Variants in FSD2 observed in about 807,000 individuals in gnomAD.
FSD2 encodes the protein fibronectin type III and SPRY domain-containing protein 2.
In FSD2, 71 loss-of-function variants were observed where a neutral mutation model predicts 80.4. The observed-to-expected ratio is 0.88, with a 90% CI of 0.73 to 1.08. FSD2 has a LOEUF of 1.08. Ranked by LOEUF, FSD2 falls within the 50% of genes least tolerant of loss-of-function variation. FSD2 has a pLI of 0.00. For missense variants in FSD2, 923 were observed against 913.8 expected (o/e 1.01, Z -0.13); for synonymous variants, 361 against 329.5 (o/e 1.10, Z -1.03).
intron 1 of FSD2, among the ~76,000 whole-genome samples, chr15:82,800,132 G>C (rs191648008): frequency 6.6e-6 from 1 of 152,246 alleles, no homozygotes; most frequent in East Asian, 1.9e-4. Flanking sequence ...CCTCAGAGAA[G>C]AACTCTGTCT....
intron 6 of FSD2, among the ~76,000 whole-genome samples, chr15:82,776,622 A>G (rs987718886): frequency 3.3e-5 from 5 of 151,888 alleles, no homozygotes; most frequent in Admixed American, 1.3e-4. Flanking sequence ...CTACATTCAT[A>G]GATTGGAAGA....
intron 6 of FSD2, among the ~76,000 whole-genome samples, chr15:82,775,527 G>A (rs548374178): frequency 6.6e-6 from 1 of 152,316 alleles, no homozygotes; most frequent in East Asian, 1.9e-4. Context: ...CGTTGAATTG[G>A]AGTGTTGAGA....
chr15:82,780,995 C>T (rs2049843593), intron 4 of FSD2, among the ~76,000 whole-genome samples: 1 of 152,100 alleles, frequency 6.6e-6, no homozygotes, highest in Admixed American at 6.6e-5. Context: ...ATGATCACAC[C>T]ACTCTCCTCC....
Position 82,762,229 on chromosome 15 carries a change from A to G in FSD2, c.1870T>C (p.Trp624Arg), listed in dbSNP as rs751873968. The G allele has an allele frequency of 5.0e-6, 8 of 1,613,970 alleles. No individual in the cohort carries two copies. Among genetic ancestry groups the G allele is most frequent in the Non-Finnish European group, 6.8e-6 (8 of 1,179,874 alleles). Reference protein sequence around the residue: ...NLIPVRGHHYWEVEVDEHLDY... With the variant: ...NLIPVRGHHYREVEVDEHLDY... The stretch of plus-strand genomic sequence containing the variant: ...AAATGCTCATCCACCTCCACCTCCC[A>G]GTAATGGTGCCCTCGGACTGGAATT... The change falls in exon 12 of 13, where the codon TGG becomes CGG. Residue 624 changes from tryptophan to arginine, a missense_variant. By Grantham distance (101) the Trp-to-Arg change is moderately radical. Coordinates refer to ENST00000334574, the MANE Select transcript of FSD2 (RefSeq NM_001007122.4).
At position 82,798,044 on chromosome 15, in the gene FSD2, G is replaced by GA. The variant is rs1488593120; in HGVS notation, c.-79+7921dup. Reference sequence around the variant, plus strand: ...ACCAACAAAAGACTTTCCAAGCACAGAAAAATATTACAGGTCAGGTACAGT... The same window carrying GA: ...ACCAACAAAAGACTTTCCAAGCACAGAAAAAATATTACAGGTCAGGTACAGT... On this transcript the variant is annotated intron_variant, in intron 1 of 12. Coordinates refer to ENST00000334574, the MANE Select transcript of FSD2 (RefSeq NM_001007122.4). 3.9e-5 allele frequency among the ~76,000 whole-genome samples: 6 copies of GA among 152,110 alleles called. No homozygotes were observed. The East Asian group carries it at 1.2e-3, about 29-fold the overall frequency.
intron 7 of FSD2, among the ~76,000 whole-genome samples, chr15:82,771,397 T>G (rs1305078881): frequency 6.6e-6 from 1 of 152,234 alleles, no homozygotes; most frequent in East Asian, 1.9e-4. Flanking sequence ...TCTTCACATG[T>G]TCAGCTGGGG....
chr15:82,769,948 G>C (rs2049524140), intron 7 of FSD2, 64 bp from the exon 8 acceptor site: 1 of 1,590,342 alleles, frequency 6.3e-7, no homozygotes, highest in Admixed American at 1.7e-5. Context: ...AATTCATTAT[G>C]CCGAATCCCA....
At chr15:82,790,264 C>A (rs1039778777) in intron 1 of FSD2, among the ~76,000 whole-genome samples, 1 of 152,186 alleles carries the variant, frequency 6.6e-6, no homozygotes, top group East Asian at 1.9e-4. Context: ...GATTCTCTGA[C>A]AGCCTCACCA....
intron 2 of FSD2, 57 bp downstream of exon 2, chr15:82,786,695 G>A: frequency 1.7e-5 from 28 of 1,606,444 alleles, no homozygotes; most frequent in Non-Finnish European, 2.3e-5. Context: ...CCCTGCGTAT[G>A]TACTTGAGAT....
rs1050065114 is a variant in FSD2 at position 82,780,212 on chromosome 15, A to G, written c.989+33T>C. ...GGATAACTAAAGTTGAAAAAAGTAA[A>G]AAAAGAAATACATACTAGAACAAAT... On this transcript the variant is annotated intron_variant, in intron 5 of 12. Coordinates refer to ENST00000334574, the MANE Select transcript of FSD2 (RefSeq NM_001007122.4). 3.4e-6 allele frequency: 5 copies of G among 1,462,946 alleles called. No individual in the cohort carries two copies. The African/African-American group carries it at 7.3e-5, about 21-fold the overall frequency. 90.6% of individuals were successfully genotyped at this position (1,462,946 alleles called of 1,614,324 possible).
At chr15:82,762,996 T>C (rs1196349280) in intron 11 of FSD2, among the ~76,000 whole-genome samples, 1 of 152,226 alleles carries the variant, frequency 6.6e-6, no homozygotes, top group Non-Finnish European at 1.5e-5. Context: ...TTGTTCAGTT[T>C]AAAATTTTCT....
intron 6 of FSD2, 86 bp from the exon 7 acceptor site, chr15:82,772,314 C>T: frequency 2.3e-6 from 3 of 1,326,112 alleles, no homozygotes; most frequent in Non-Finnish European, 3.1e-6. Context: ...ATTGATCCCC[C>T]CAATGAATCC....
rs1202510120 is a variant in FSD2, at chr15:82,786,990, A to G, written c.401T>C (p.Phe134Ser). 1.9e-6 allele frequency: 3 copies of G among 1,613,970 alleles called. No homozygotes were observed. Among genetic ancestry groups the G allele is most frequent in the Admixed American group, 1.7e-5 (1 of 60,016 alleles). ...CTGGCCTGCTGAGCCCCACCCTCCG[A>G]AGCCCAGGTCCTCGGCCTCCGCTGC... Reference protein sequence around the residue: ...GEAAEAEDLGFGGWGSAGQCQ... With the variant: ...GEAAEAEDLGSGGWGSAGQCQ... The change falls in exon 2 of 13, where the codon TTC becomes TCC. Residue 134 changes from phenylalanine (F) to serine (S), a missense_variant. Coordinates refer to ENST00000334574, the MANE Select transcript of FSD2 (RefSeq NM_001007122.4).
chr15:82,761,033 G>A (rs1051838513), intron 12 of FSD2, among the ~76,000 whole-genome samples: 3 of 152,166 alleles, frequency 2.0e-5, no homozygotes, highest in African/African-American at 7.2e-5. Flanking sequence ...GTAATTCTTG[G>A]ATTCCCCAAA....
intron 3 of FSD2, among the ~76,000 whole-genome samples, chr15:82,785,897 C>CA (rs2049984452): frequency 6.6e-6 from 1 of 151,782 alleles, no homozygotes; most frequent in East Asian, 1.9e-4. Flanking sequence ...ACTTCTACCC[C>CA]AAAAAAAGAG....
chr15:82,790,133 GC>G (rs2151526269), intron 1 of FSD2, among the ~76,000 whole-genome samples: 1 of 152,246 alleles, frequency 6.6e-6, no homozygotes, highest in East Asian at 1.9e-4. Flanking sequence ...CCATGACTAT[GC>G]CACTGAACTC....
Position 82,769,736 on chromosome 15 carries a change from GAGTAGCCCATTACCTGTCATGT to G in FSD2, c.1394_1402+13del. The G allele has an allele frequency of 6.2e-7, 1 of 1,600,992 alleles. No individual in the cohort carries two copies. The highest frequency in any genetic ancestry group is 2.2e-5 in the East Asian group (1 of 44,492). ...GAATGAAAGCCCTGCTATAGGAAAT[GAGTAGCCCATTACCTGTCATGT>G]ACACTGCACGCTCGCTAGAGGGGCT... On this transcript the variant is annotated splice_donor_variant and splice_donor_5th_base_variant and coding_sequence_variant and intron_variant, in exon 8 of 13. Transcript: ENST00000334574. LOFTEE classifies it high-confidence loss of function.
intron 3 of FSD2, among the ~76,000 whole-genome samples, chr15:82,785,354 T>C (rs1323024859): frequency 1.3e-5 from 2 of 151,404 alleles, no homozygotes; most frequent in Non-Finnish European, 2.9e-5. Flanking sequence ...AGATGGAGTC[T>C]CGCTGTGTTG....
intron 1 of FSD2, among the ~76,000 whole-genome samples, chr15:82,805,051 G>C (rs187520467): frequency 6.6e-6 from 1 of 151,866 alleles, no homozygotes; most frequent in East Asian, 1.9e-4. Context: ...TATGCCAAGG[G>C]AAGCAGTTAA....
Sources: allele counts gnomAD v4.1 joint callset (sites outside exome capture counted in the v4.1 genomes callset), GRCh38; gene constraint gnomAD v4.1.1; transcripts MANE v1.5; gene names NCBI Gene and HGNC (gene_info 2026-07-23, HGNC 2026-07-21).